UTS2: variants seen among roughly 807,000 people sequenced by gnomAD.
UTS2 encodes urotensin 2, also known as urotensin-2.
A neutral mutation model predicts 12.6 loss-of-function variants in UTS2; 10 were observed. The observed-to-expected ratio is 0.80, with a 90% CI of 0.49 to 1.35. The LOEUF (loss-of-function observed/expected upper bound fraction) is 1.35. Ranked by LOEUF, UTS2 falls within the 40% of genes most tolerant of loss-of-function variation. The pLI is 0.00. For missense variants in UTS2, 142 were observed against 143.2 expected (o/e 0.99, Z 0.04); for synonymous variants, 52 against 50.0 (o/e 1.04, Z -0.17).
At chr1:7,861,041 C>CAAA in the UTS2 span, among the ~76,000 whole-genome samples, 1,440 of 74,630 alleles carry the variant, frequency 0.019, 26 homozygotes, top group Non-Finnish European at 0.026. Flanking sequence ...GGCCTTATCT[C>CAAA]AAAAAAAAAA....
chr1:7,872,378 G>GAAGA, the UTS2 span, among the ~76,000 whole-genome samples: 1 of 147,102 alleles, frequency 6.8e-6, no homozygotes, highest in Non-Finnish European at 1.5e-5. Context: ...GCTTAATGAA[G>GAAGA]AAGACATGTT....
the UTS2 span, among the ~76,000 whole-genome samples, chr1:7,866,020 T>C: frequency 3.0e-4 from 45 of 152,296 alleles, no homozygotes; most frequent in Admixed American, 1.3e-3. The surrounding 1 kb of genome is among the most constrained non-coding windows in gnomAD (Gnocchi z 4.5). Flanking sequence ...TGTTAGCCCA[T>C]GACAGGTGGG....
chr1:7,891,301 G>A, the UTS2 span, among the ~76,000 whole-genome samples: 6 of 151,964 alleles, frequency 3.9e-5, no homozygotes, highest in African/African-American at 1.5e-4. Context: ...TGGGAGGGCC[G>A]GATCACCTGA....
At chr1:7,878,535 A>G in the UTS2 span, among the ~76,000 whole-genome samples, 2 of 152,192 alleles carry the variant, frequency 1.3e-5, no homozygotes, top group African/African-American at 4.8e-5. Context: ...GTTGTTGCCT[A>G]TTAATAATAA....
chr1:7,872,299 C>CAAAAAAAAAAAAAAAAAAAAAAAA, the UTS2 span, among the ~76,000 whole-genome samples: 1 of 65,886 alleles, frequency 1.5e-5, no homozygotes, highest in Non-Finnish European at 2.7e-5. Context: ...GACTCTGTCT[C>CAAAAAAAAAAAAAAAAAAAAAAAA]AAAAAAAAAA....
chr1:7,891,588 G>A, the UTS2 span, among the ~76,000 whole-genome samples: 1 of 149,970 alleles, frequency 6.7e-6, no homozygotes, highest in African/African-American at 2.5e-5. Context: ...AAGAAAGAAA[G>A]AAAGAAAGAA....
At chr1:7,876,444 G>C in the UTS2 span, among the ~76,000 whole-genome samples, 1 of 152,178 alleles carries the variant, frequency 6.6e-6, no homozygotes, top group Non-Finnish European at 1.5e-5. Context: ...GCAGAGGGGG[G>C]AGGGCATGGA....
chr1:7,862,980 A>ATTGTGTTGTGTTGTGTTGTATTGTG, the UTS2 span, among the ~76,000 whole-genome samples: 1 of 53,316 alleles, frequency 1.9e-5, no homozygotes, highest in South Asian at 6.5e-4. Context: ...GCCGTTATTT[A>ATTGTGTTGTGTTGTGTTGTATTGTG]TTGTGTTGTG....
chr1:7,860,479 C>T, the UTS2 span, among the ~76,000 whole-genome samples: 60 of 152,188 alleles, frequency 3.9e-4, 1 homozygote, highest in South Asian at 3.7e-3. Flanking sequence ...ACACAGGCTC[C>T]GGAAGCCACC....
At chr1:7,913,193 C>T in the UTS2 span, among the ~76,000 whole-genome samples, 15 of 151,166 alleles carry the variant, frequency 9.9e-5, no homozygotes, top group East Asian at 2.8e-3. Context: ...GGGGAGTTTT[C>T]GGCCTAGTCC....
intron 3 of UTS2, 148 bp downstream of exon 3, chr1:7,849,492 T>G (rs1030653535): frequency 8.2e-4 from 556 of 675,180 alleles, no homozygotes; most frequent in East Asian, 1.1e-3. Context: ...ATCACAGGCA[T>G]GAGCTACCGC....
the UTS2 span, among the ~76,000 whole-genome samples, chr1:7,863,633 T>C: frequency 4.6e-5 from 7 of 152,344 alleles, no homozygotes; most frequent in African/African-American, 1.7e-4. Flanking sequence ...ATTTACTGAA[T>C]GAATGAATTT....
At chr1:7,876,575 C>A in the UTS2 span, among the ~76,000 whole-genome samples, 1 of 152,148 alleles carries the variant, frequency 6.6e-6, no homozygotes, top group Admixed American at 6.5e-5. Context: ...CAAAGATTGT[C>A]CTGCCTACAC....
chr1:7,900,949 A>C, the UTS2 span, among the ~76,000 whole-genome samples: 1 of 152,182 alleles, frequency 6.6e-6, no homozygotes, highest in Non-Finnish European at 1.5e-5. Flanking sequence ...ACTCCATGAA[A>C]GTTTAAGAGA....
the UTS2 span, among the ~76,000 whole-genome samples, chr1:7,897,565 T>G: frequency 2.6e-5 from 4 of 152,184 alleles, no homozygotes; most frequent in Non-Finnish European, 5.9e-5. Context: ...TAGGTCTTCT[T>G]TAATGTCTTT....
the UTS2 span, among the ~76,000 whole-genome samples, chr1:7,868,131 CAA>C: frequency 1.3e-5 from 2 of 151,966 alleles, no homozygotes; most frequent in Admixed American, 1.3e-4. Flanking sequence ...GGCACATCAC[CAA>C]AAAAAAAGGC....
the UTS2 span, among the ~76,000 whole-genome samples, chr1:7,871,012 C>T: frequency 6.6e-6 from 1 of 152,158 alleles, no homozygotes; most frequent in Non-Finnish European, 1.5e-5. Flanking sequence ...CTGTGCTTGG[C>T]TATCTTAATA....
the UTS2 span, among the ~76,000 whole-genome samples, chr1:7,898,164 G>T: frequency 6.6e-6 from 1 of 151,800 alleles, no homozygotes; most frequent in Non-Finnish European, 1.5e-5. Context: ...CTTTTTTCTT[G>T]TCATAAGTTA....
At chr1:7,896,728 C>T in the UTS2 span, among the ~76,000 whole-genome samples, 1 of 151,586 alleles carries the variant, frequency 6.6e-6, no homozygotes, top group South Asian at 2.1e-4. Flanking sequence ...CAGAGTCCCG[C>T]TCTGTCTCCC....
Sources: allele counts gnomAD v4.1 joint callset (sites outside exome capture counted in the v4.1 genomes callset), GRCh38; gene constraint gnomAD v4.1.1; non-coding constraint Gnocchi (gnomAD v3.1); transcripts MANE v1.5; gene names NCBI Gene and HGNC (gene_info 2026-07-23, HGNC 2026-07-21).